The following DNAH9 variants were observed in gnomAD, a reference collection of about 807,000 sequenced individuals.
DNAH9 encodes dynein axonemal heavy chain 9.
In DNAH9, 345 loss-of-function variants were observed where a neutral mutation model predicts 471.6. That is an observed-to-expected ratio of 0.73 (90% CI 0.67 to 0.80). The LOEUF (loss-of-function observed/expected upper bound fraction) is 0.80. DNAH9 is among the 30% of genes least tolerant of loss of function. The probability of loss-of-function intolerance (pLI) is 0.00; values close to 1 mark genes in which losing one functional copy is unlikely to be tolerated. For missense variants in DNAH9, 5,407 were observed against 5,609.2 expected, an observed-to-expected ratio of 0.96 and a Z score of 1.15; for synonymous variants, 2,093 against 2,123.6, an observed-to-expected ratio of 0.99 and a Z score of 0.40.
intron 32 of DNAH9, 128 bp downstream of exon 32, chr17:11,747,894 CA>C: frequency 4.9e-6 from 4 of 824,574 alleles, no homozygotes; most frequent in Non-Finnish European, 7.5e-6. Context: ...CGGAGGGAGA[CA>C]AAAAAGCCAG....
chr17:11,615,801 T>G (rs2072730005), intron 4 of DNAH9, among the ~76,000 whole-genome samples: 1 of 152,184 alleles, frequency 6.6e-6, no homozygotes, highest in Admixed American at 6.5e-5. Flanking sequence ...AGAAAGCTCC[T>G]ATAGCATGAT....
At chr17:11,813,746 C>A (rs1970001213) in intron 45 of DNAH9, among the ~76,000 whole-genome samples, 1 of 152,186 alleles carries the variant, frequency 6.6e-6, no homozygotes, top group African/African-American at 2.4e-5. Context: ...TTTCTAAAAT[C>A]AAACCATGAT....
chr17:11,666,185 C>T (rs1786541120), intron 15 of DNAH9, among the ~76,000 whole-genome samples: 2 of 152,192 alleles, frequency 1.3e-5, no homozygotes, highest in Non-Finnish European at 2.9e-5. Context: ...TGGTGGTGTC[C>T]ACCTTAGTGA....
At chr17:11,780,973 G>A (rs981053128) in intron 38 of DNAH9, 36 bp from the exon 39 acceptor site, 2 of 1,598,568 alleles carry the variant, frequency 1.3e-6, no homozygotes, top group African/African-American at 2.7e-5. Context: ...TCTGAGATTT[G>A]AGCCGCCTTC....
At position 11,626,494 on chromosome 17, in the gene DNAH9, G is replaced by A. The variant is rs193188014; in HGVS notation, c.1351-2923G>A. Among the ~76,000 whole-genome samples the A allele has an allele frequency of 8.7e-3, 1,322 of 152,258 alleles. 16 individuals are homozygous for A. The highest frequency in any genetic ancestry group is 9.9e-3 in the Non-Finnish European group (672 of 68,026). On this transcript the variant is annotated intron_variant, in intron 6 of 68. Transcript: ENST00000262442. The surrounding 1 kb of genome is among the most constrained non-coding windows in gnomAD (Gnocchi z 4.3). Reference sequence around the variant, plus strand: ...TCAAACTTATTAAAACCCCTTCAGCGATGGAGAGCTCCCTCCCTCTCTTTG... The same window carrying A: ...TCAAACTTATTAAAACCCCTTCAGCAATGGAGAGCTCCCTCCCTCTCTTTG...
Position 11,797,658 on chromosome 17 carries a change from G to C in DNAH9, c.8285G>C (p.Gly2762Ala). 6.2e-7 allele frequency: 1 copy of C among 1,614,174 alleles called. No individual in the cohort carries two copies. The highest frequency in any genetic ancestry group is 8.5e-7 in the Non-Finnish European group (1 of 1,180,038). The change falls in exon 43 of 69, where the codon GGT becomes GCT. Residue 2762 changes from glycine (G) to alanine (A), a missense_variant. Gly to Ala is a moderately conservative substitution (Grantham distance 60). Transcript: ENST00000262442. ...SPNLYCHFAN[G>A]IGEPKYMPVQ... ...AACCTGTATTGTCACTTTGCAAATG[G>C]TATTGGGGAGCCCAAATACATGCCT...
chr17:11,906,624 T>G (rs1973607867), intron 61 of DNAH9, among the ~76,000 whole-genome samples: 1 of 131,024 alleles, frequency 7.6e-6, no homozygotes, highest in Non-Finnish European at 1.6e-5. Context: ...CAAGACTCTG[T>G]CTCAAAAAAA....
At chr17:11,952,093 T>C (rs965411094) in intron 67 of DNAH9, among the ~76,000 whole-genome samples, 1 of 151,652 alleles carries the variant, frequency 6.6e-6, no homozygotes, top group Non-Finnish European at 1.5e-5. Flanking sequence ...AGGTTTTCTG[T>C]CTGGTAATGT....
intron 67 of DNAH9, among the ~76,000 whole-genome samples, chr17:11,953,655 C>T (rs1004233722): frequency 1.4e-5 from 2 of 146,432 alleles, no homozygotes; most frequent in African/African-American, 5.1e-5. Flanking sequence ...ACTAAAAATA[C>T]AAAAAAATTA....
intron 24 of DNAH9, 138 bp from the exon 25 acceptor site, chr17:11,704,065 A>T: frequency 2.1e-6 from 2 of 953,462 alleles, no homozygotes; most frequent in Non-Finnish European, 3.2e-6. Flanking sequence ...TGGTTCACTT[A>T]GTCAGTGCTG....
intron 49 of DNAH9, among the ~76,000 whole-genome samples, chr17:11,844,923 T>C (rs1473194073): frequency 2.6e-5 from 4 of 152,196 alleles, no homozygotes; most frequent in Non-Finnish European, 5.9e-5. Context: ...CTTTTTTTCA[T>C]AGGTTTGTTG....
At chr17:11,740,472 AAG>A (rs1318938957) in intron 29 of DNAH9, among the ~76,000 whole-genome samples, 1 of 152,148 alleles carries the variant, frequency 6.6e-6, no homozygotes, top group African/African-American at 2.4e-5. Context: ...ACATGGAGGA[AAG>A]AGGATGAGCT....
At position 11,960,435 on chromosome 17, in the gene DNAH9, T is replaced by TAAAAAAAAAAAA. The variant is rs3074845; in HGVS notation, c.12844-1416_12844-1405dup. On this transcript the variant is annotated intron_variant, in intron 67 of 68. Transcript: ENST00000262442. ...TGGGTGACAGAGCAAGACTCTGTCT[T>TAAAAAAAAAAAA]AAAAAAAAAAAAAAAAAAAAAAAAA... Among the ~76,000 whole-genome samples, 54 of 54,042 alleles carry TAAAAAAAAAAAA rather than the reference T, an allele frequency of 1.0e-3. 3 individuals are homozygous for TAAAAAAAAAAAA. Among genetic ancestry groups the TAAAAAAAAAAAA allele is most frequent in the African/African-American group, 1.7e-3 (22 of 12,814 alleles). 35.5% of individuals were successfully genotyped at this position (54,042 alleles called of 152,430 possible).
intron 36 of DNAH9, among the ~76,000 whole-genome samples, chr17:11,764,298 T>C (rs1967840743): frequency 6.6e-6 from 1 of 152,234 alleles, no homozygotes; most frequent in Non-Finnish European, 1.5e-5. Flanking sequence ...AAAGATATTT[T>C]ATCTAGAAAG....
intron 61 of DNAH9, among the ~76,000 whole-genome samples, chr17:11,913,738 C>T (rs142551704): frequency 0.055 from 8,353 of 150,836 alleles, 354 homozygotes; most frequent in East Asian, 0.2. Context: ...GACGAGATTG[C>T]ACCACTGCAC....
chr17:11,926,062 A>AAAAAAAG (rs869096043), intron 62 of DNAH9, among the ~76,000 whole-genome samples: 1 of 127,526 alleles, frequency 7.8e-6, no homozygotes, highest in Non-Finnish European at 1.7e-5. Flanking sequence ...AAAAAAAAAA[A>AAAAAAAG]GCTGGGGGGG....
intron 32 of DNAH9, 124 bp downstream of exon 32, chr17:11,747,890 G>A: frequency 2.3e-6 from 2 of 881,842 alleles, no homozygotes; most frequent in Non-Finnish European, 3.5e-6. Flanking sequence ...ACCGCGGAGG[G>A]AGACAAAAAA....
rs573540358 is a variant in DNAH9 at position 11,683,940 on chromosome 17, T to C, written c.3743+3051T>C. Reference sequence around the variant, plus strand: ...GCGAATCTTAGTGGATGTCAACTTATGTGTTTTGTTTTCTTTCTTAGTTTG... The same window carrying C: ...GCGAATCTTAGTGGATGTCAACTTACGTGTTTTGTTTTCTTTCTTAGTTTG... On this transcript the variant is annotated intron_variant, in intron 19 of 68. Coordinates refer to ENST00000262442, the MANE Select transcript of DNAH9 (RefSeq NM_001372.4). 6.6e-5 allele frequency among the ~76,000 whole-genome samples: 10 copies of C among 152,336 alleles called. No homozygotes were observed. In the South Asian group the frequency reaches 8.3e-4, roughly 13 times the overall value.
At chr17:11,659,079 A>G (rs2073706171) in intron 14 of DNAH9, among the ~76,000 whole-genome samples, 1 of 152,020 alleles carries the variant, frequency 6.6e-6, no homozygotes, top group Admixed American at 6.5e-5. Flanking sequence ...AACCTTAAAT[A>G]TGTGATAGAA....
Sources: allele counts gnomAD v4.1 joint callset (sites outside exome capture counted in the v4.1 genomes callset), GRCh38; gene constraint gnomAD v4.1.1; non-coding constraint Gnocchi (gnomAD v3.1); transcripts MANE v1.5; gene names NCBI Gene and HGNC (gene_info 2026-07-23, HGNC 2026-07-21).